LETMD1: variants seen among roughly 807,000 people sequenced by gnomAD.
The protein encoded by LETMD1 is LETM1 domain-containing protein 1.
LETMD1 carries 30 observed loss-of-function variants against 43.9 expected under a neutral mutation model. The observed-to-expected ratio is 0.68, with a 90% CI of 0.51 to 0.93. The LOEUF (loss-of-function observed/expected upper bound fraction) is 0.93. Among genes scored for constraint, LETMD1 ranks in the 40% least tolerant of loss-of-function variants. LETMD1 has a pLI of 0.00. For synonymous variants in LETMD1, 176 were observed against 163.1 expected (o/e 1.08, Z -0.60); for missense variants, 413 against 447.7 (o/e 0.92, Z 0.70).
At position 51,059,466 on chromosome 12, in the gene LETMD1, C is replaced by A; in HGVS notation, c.*35C>A. On this transcript the variant is annotated 3_prime_UTR_variant, in exon 9 of 9. Coordinates refer to ENST00000262055, the MANE Select transcript of LETMD1 (RefSeq NM_015416.5). Reference sequence around the variant, plus strand: ...GGAGCGGATGGCATTGTCCTGCAGTCGTATAGTATAGCAGTGCAGGAACAA... The same window carrying A: ...GGAGCGGATGGCATTGTCCTGCAGTAGTATAGTATAGCAGTGCAGGAACAA... The A allele has an allele frequency of 6.3e-7, 1 of 1,578,564 alleles. No individual in the cohort carries two copies. Among genetic ancestry groups the A allele is most frequent in the Non-Finnish European group, 8.7e-7 (1 of 1,147,806 alleles).
chr12:51,048,986 G>A, intron 1 of LETMD1, 48 bp from the exon 2 acceptor site: 1 of 1,550,284 alleles, frequency 6.5e-7, no homozygotes, highest in Non-Finnish European at 8.8e-7. Flanking sequence ...AGGCGTGAGG[G>A]AGCTTCTAGG....
At chr12:51,060,640 C>T (rs189474025), downstream of LETMD1, among the ~76,000 whole-genome samples, 3 of 152,250 alleles carry the variant, frequency 2.0e-5, no homozygotes, top group East Asian at 3.9e-4. Context: ...CGGCGGCTCA[C>T]GCCTGTAATC....
At chr12:51,066,652 A>AC in the LETMD1 span, among the ~76,000 whole-genome samples, 6 of 150,732 alleles carry the variant, frequency 4.0e-5, no homozygotes, top group Admixed American at 1.3e-4. Context: ...AAAAAAAAAA[A>AC]GGGCAGCCAA....
chr12:51,061,896 G>A (rs936229451), downstream of LETMD1: 1 of 152,110 alleles, frequency 6.6e-6, no homozygotes, highest in Non-Finnish European at 1.5e-5. Context: ...CTTCAGTCCT[G>A]TGTTTGAGGG....
At position 51,058,081 on chromosome 12, in the gene LETMD1, G is replaced by A. The variant is rs888319146; in HGVS notation, c.965G>A (p.Cys322Tyr). The change falls in exon 8 of 9, where the codon TGT (cysteine) becomes TAT (tyrosine). Residue 322 changes from cysteine (C) to tyrosine (Y), a missense_variant. Transcript: ENST00000262055. The stretch of plus-strand genomic sequence containing the variant: ...TCTACGCATATTGGTGAAGATAGGT[G>A]TCGAACTTGGCTGGGAGAATGGCTG... ...LNSTHIGEDR[C>Y]RTWLGEWLQI... 2 of 1,613,974 alleles carry A rather than the reference G, an allele frequency of 1.2e-6. No individual in the cohort carries two copies. Among genetic ancestry groups the A allele is most frequent in the South Asian group, 2.2e-5 (2 of 91,086 alleles).
intron 2 of LETMD1, among the ~76,000 whole-genome samples, chr12:51,050,947 A>G (rs555551724): frequency 1.3e-5 from 2 of 151,724 alleles, no homozygotes. Flanking sequence ...TGGGAGACGG[A>G]GGTTGTGGTG....
chr12:51,060,719 G>A (rs372996265), downstream of LETMD1, among the ~76,000 whole-genome samples: 2 of 152,050 alleles, frequency 1.3e-5, no homozygotes, highest in South Asian at 4.1e-4. Context: ...TGGCTAACAC[G>A]GTGAAACCCC....
At chr12:51,067,845 G>A in the LETMD1 span, 1 of 1,614,162 alleles carries the variant, frequency 6.2e-7, no homozygotes, top group Non-Finnish European at 8.5e-7. This position sits in a 1 kb window ranked among gnomAD's most constrained non-coding sequence, Gnocchi z 4.1. Flanking sequence ...CCGTTTGGTG[G>A]GCAGAGGCTG....
At chr12:51,054,686 T>G (rs1361818954) in intron 4 of LETMD1, among the ~76,000 whole-genome samples, 1 of 152,174 alleles carries the variant, frequency 6.6e-6, no homozygotes, top group Non-Finnish European at 1.5e-5. Context: ...GTCCTATTGA[T>G]TGAATCAGTC....
downstream of LETMD1, chr12:51,063,654 G>C: frequency 1.0e-6 from 1 of 989,364 alleles, no homozygotes; most frequent in Non-Finnish European, 1.4e-6. Flanking sequence ...CATGGGAGCA[G>C]CAGCTGCTTC....
Position 51,056,378 on chromosome 12 carries a change from C to T in LETMD1, c.791C>T (p.Thr264Ile). 2 of 1,614,244 alleles carry T rather than the reference C, an allele frequency of 1.2e-6. No homozygotes were observed. Among genetic ancestry groups the T allele is most frequent in the South Asian group, 2.2e-5 (2 of 91,088 alleles). Residue 264 changes from threonine (T) to isoleucine (I), a missense_variant, in exon 7 of 9, where the codon ACA becomes ATA. Physicochemically the swap from Thr to Ile is moderately conservative, Grantham distance 89. Coordinates refer to ENST00000262055, the MANE Select transcript of LETMD1 (RefSeq NM_015416.5). ...VKALSRAMLL[T>I]SYLPPPLLRH... is the part of the protein sequence containing the mutation. ...GCCTTGAGCCGGGCCATGCTTCTCACATCTTACCTGCCTCCTCCCTTGTTG... is the reference window on the plus strand; with the variant it reads ...GCCTTGAGCCGGGCCATGCTTCTCATATCTTACCTGCCTCCTCCCTTGTTG...
At chr12:51,050,112 C>T (rs534232433) in intron 2 of LETMD1, among the ~76,000 whole-genome samples, 1 of 152,226 alleles carries the variant, frequency 6.6e-6, no homozygotes, top group Admixed American at 6.5e-5. Context: ...TGAAAAATTA[C>T]TTATCCTTAA....
the LETMD1 span, among the ~76,000 whole-genome samples, chr12:51,066,351 G>A: frequency 6.6e-6 from 1 of 151,964 alleles, no homozygotes; most frequent in African/African-American, 2.4e-5. Context: ...TACTCGGGAG[G>A]CTGAGGCAGG....
At chr12:51,052,820 G>A (rs573739145) in intron 3 of LETMD1, among the ~76,000 whole-genome samples, 3 of 151,628 alleles carry the variant, frequency 2.0e-5, no homozygotes, top group African/African-American at 7.3e-5. Context: ...AAGTCTGCAA[G>A]GGCAGCCAGG....
Position 51,052,133 on chromosome 12 carries a change from A to G in LETMD1, c.316A>G (p.Ile106Val), listed in dbSNP as rs1226711530. ...LWADAKKARRIKTNMWKHNIK... is the reference protein window; with the variant it reads ...LWADAKKARRVKTNMWKHNIK... Reference sequence around the variant, plus strand: ...GGCTGATGCCAAAAAGGCTAGAAGAATAAAGACAAATATGTGGAAGCACAA... The same window carrying G: ...GGCTGATGCCAAAAAGGCTAGAAGAGTAAAGACAAATATGTGGAAGCACAA... Residue 106 changes from isoleucine (I) to valine (V), a missense_variant, in exon 3 of 9, where the codon ATA (isoleucine) becomes GTA (valine). Coordinates refer to ENST00000262055, the MANE Select transcript of LETMD1 (RefSeq NM_015416.5). 1 of 1,614,064 alleles carries G rather than the reference A, an allele frequency of 6.2e-7. No individual in the cohort carries two copies. The highest frequency in any genetic ancestry group is 1.3e-5 in the African/African-American group (1 of 74,952).
chr12:51,048,652 C>T (rs1289640662), intron 1 of LETMD1, 174 bp downstream of exon 1: 2 of 752,948 alleles, frequency 2.7e-6, no homozygotes, highest in African/African-American at 1.8e-5. Flanking sequence ...CTTCCTGACC[C>T]TCTGTACTCT....
chr12:51,059,210 G>A (rs1357827907), intron 8 of LETMD1, 151 bp from the exon 9 acceptor site: 2 of 642,628 alleles, frequency 3.1e-6, no homozygotes, highest in African/African-American at 1.8e-5. Context: ...GCATACAGGG[G>A]CTGAAACAAA....
intron 2 of LETMD1, among the ~76,000 whole-genome samples, chr12:51,050,486 G>T (rs1484688022): frequency 2.0e-5 from 3 of 151,664 alleles, no homozygotes; most frequent in African/African-American, 7.3e-5. Flanking sequence ...TTCCCAAAGT[G>T]CTGGGATTAC....
intron 1 of LETMD1, 31 bp downstream of exon 1, chr12:51,048,509 T>G: frequency 6.2e-7 from 1 of 1,609,440 alleles, no homozygotes; most frequent in East Asian, 2.2e-5. Flanking sequence ...AAAGCATTTT[T>G]GACGTCCAGG....
Sources: gnomAD v4.1 joint callset for allele counts (sites outside exome capture counted in the v4.1 genomes callset) on GRCh38, gnomAD v4.1.1 for gene constraint, Gnocchi (gnomAD v3.1) non-coding constraint, MANE v1.5 for transcripts, NCBI Gene and HGNC (gene_info 2026-07-23, HGNC 2026-07-21) for gene names.